AUTS2: variants seen among roughly 807,000 people sequenced by gnomAD.
AUTS2 encodes the protein autism susceptibility gene 2 protein.
AUTS2 carries 17 observed loss-of-function variants against 112.4 expected under a neutral mutation model. The ratio of observed to expected loss-of-function variants is 0.15; its 90% confidence interval spans 0.10 to 0.23. The LOEUF (loss-of-function observed/expected upper bound fraction) is 0.23, where lower values mean the gene tolerates loss of function less well. AUTS2 is among the 10% of genes least tolerant of loss of function. AUTS2 has a pLI of 1.00. For synonymous variants in AUTS2, 751 were observed against 702.7 expected (o/e 1.07, Z -1.09); for missense variants, 1,510 against 1,701.6 (o/e 0.89, Z 1.98).
chr7:70,003,115 GTTCA>G (rs933118427), intron 2 of AUTS2, among the ~76,000 whole-genome samples: 4 of 141,810 alleles, frequency 2.8e-5, no homozygotes, highest in African/African-American at 5.2e-5. Flanking sequence ...ACATATTTTT[GTTCA>G]TTCATATATA....
chr7:69,606,908 T>A (rs1165028442), intron 1 of AUTS2, among the ~76,000 whole-genome samples: 1 of 152,248 alleles, frequency 6.6e-6, no homozygotes, highest in African/African-American at 2.4e-5. Flanking sequence ...GGTGAGACCC[T>A]AAGTGTGTCT....
At chr7:70,045,854 C>T (rs993421697) in intron 2 of AUTS2, among the ~76,000 whole-genome samples, 1 of 147,938 alleles carries the variant, frequency 6.8e-6, no homozygotes, top group African/African-American at 2.5e-5. Context: ...TATCAAACTC[C>T]TGACCTCATG....
chr7:69,768,688 G>A (rs189986507), intron 1 of AUTS2, among the ~76,000 whole-genome samples: 54 of 152,276 alleles, frequency 3.5e-4, no homozygotes, highest in African/African-American at 1.3e-3. Context: ...TGATAGAAAA[G>A]GTTATGTGTC....
intron 2 of AUTS2, among the ~76,000 whole-genome samples, chr7:69,926,153 C>T (rs1796000603): frequency 6.6e-6 from 1 of 152,162 alleles, no homozygotes; most frequent in South Asian, 2.1e-4. Flanking sequence ...TAGGAATGTT[C>T]TATAAATGCC....
intron 5 of AUTS2, among the ~76,000 whole-genome samples, chr7:70,651,679 T>G (rs117921285): frequency 1.6e-3 from 250 of 152,330 alleles, no homozygotes; most frequent in Non-Finnish European, 3.1e-3. Flanking sequence ...GAGTGCATAT[T>G]GCTTTCATAC....
intron 2 of AUTS2, among the ~76,000 whole-genome samples, chr7:69,946,374 A>G (rs923302596): frequency 2.0e-5 from 3 of 152,162 alleles, no homozygotes; most frequent in Admixed American, 1.3e-4. Flanking sequence ...AAAATTAAAT[A>G]TAGAACTGCC....
chr7:70,467,643 G>T (rs1266319007), intron 5 of AUTS2, among the ~76,000 whole-genome samples: 1 of 152,188 alleles, frequency 6.6e-6, no homozygotes, highest in Non-Finnish European at 1.5e-5. Flanking sequence ...ACCCAACAGG[G>T]TGGTTGCTTT....
chr7:70,316,721 G>A (rs753454874), intron 4 of AUTS2, among the ~76,000 whole-genome samples: 3 of 151,996 alleles, frequency 2.0e-5, no homozygotes, highest in Non-Finnish European at 2.9e-5. Context: ...CTTGATATAG[G>A]TGTTTTGATC....
At chr7:70,497,689 C>T (rs1798610127) in intron 5 of AUTS2, among the ~76,000 whole-genome samples, 1 of 152,112 alleles carries the variant, frequency 6.6e-6, no homozygotes. Context: ...GTTTGCGTTA[C>T]CTGTTCATTA....
At chr7:70,099,047 T>C (rs1242157867) in intron 2 of AUTS2, among the ~76,000 whole-genome samples, 1 of 152,146 alleles carries the variant, frequency 6.6e-6, no homozygotes, top group Non-Finnish European at 1.5e-5. Flanking sequence ...GTTTATTTTG[T>C]CATACATTGT....
rs78702697 is a variant in AUTS2, at chr7:70,287,416, G to A, written c.661-148336G>A. ...GCTGTCAGAATATTAGAAATACAGT[G>A]TTTCCTGTCAGAAATGCCAGCTGAG... On this transcript the variant is annotated intron_variant, in intron 4 of 18. Coordinates refer to ENST00000342771, the MANE Select transcript of AUTS2 (RefSeq NM_015570.4). 6.7e-3 allele frequency among the ~76,000 whole-genome samples: 1,020 copies of A among 152,250 alleles called. 9 individuals are homozygous for A. The highest frequency in any genetic ancestry group is 0.051 in the East Asian group (265 of 5,182).
At chr7:70,684,120 A>G (rs1332726041) in intron 5 of AUTS2, among the ~76,000 whole-genome samples, 1 of 151,870 alleles carries the variant, frequency 6.6e-6, no homozygotes, top group Non-Finnish European at 1.5e-5. Flanking sequence ...AGGATGCTTA[A>G]TAATAAGGCT....
At chr7:69,748,847 G>T (rs952676120) in intron 1 of AUTS2, among the ~76,000 whole-genome samples, 3 of 152,108 alleles carry the variant, frequency 2.0e-5, no homozygotes, top group African/African-American at 7.2e-5. Context: ...GAGAGCTCTT[G>T]TCAAGTTTAG....
chr7:70,454,682 C>T (rs2131110904), intron 5 of AUTS2, among the ~76,000 whole-genome samples: 1 of 152,322 alleles, frequency 6.6e-6, no homozygotes, highest in East Asian at 1.9e-4. Context: ...CTCAGTCACA[C>T]TGATAAACCA....
At chr7:70,704,061 C>T (rs1306300918) in intron 6 of AUTS2, among the ~76,000 whole-genome samples, 2 of 152,160 alleles carry the variant, frequency 1.3e-5, no homozygotes, top group East Asian at 1.9e-4. Flanking sequence ...ATCCTTTGAG[C>T]GTTCTTGGAA....
At chr7:70,528,103 T>TTA (rs1554421903) in intron 5 of AUTS2, among the ~76,000 whole-genome samples, 2,173 of 109,680 alleles carry the variant, frequency 0.02, 80 homozygotes, top group African/African-American at 0.074. Flanking sequence ...ATTTTTTTTT[T>TTA]TTTTTTTTTT....
intron 4 of AUTS2, among the ~76,000 whole-genome samples, chr7:70,328,393 T>TA (rs1176827270): frequency 1.3e-5 from 2 of 151,068 alleles, no homozygotes; most frequent in African/African-American, 4.9e-5. Flanking sequence ...GGTTTATTAT[T>TA]TTTTTTTTAA....
chr7:70,172,920 A>G (rs1008533781), intron 4 of AUTS2, among the ~76,000 whole-genome samples: 1 of 152,200 alleles, frequency 6.6e-6, no homozygotes, highest in African/African-American at 2.4e-5. Context: ...TTCTAAAAGG[A>G]TTGATTTTGC....
intron 6 of AUTS2, among the ~76,000 whole-genome samples, chr7:70,756,049 T>C (rs1441939510): frequency 1.3e-5 from 2 of 152,188 alleles, no homozygotes; most frequent in South Asian, 2.1e-4. Context: ...AATATGAGAA[T>C]TAAAGTCAAT....
Sources: allele counts gnomAD v4.1 joint callset (sites outside exome capture counted in the v4.1 genomes callset), GRCh38; gene constraint gnomAD v4.1.1; transcripts MANE v1.5; gene names NCBI Gene and HGNC (gene_info 2026-07-23, HGNC 2026-07-21).